Variants in DACH1 observed in about 807,000 individuals in gnomAD.
The protein encoded by DACH1 is dachshund family transcription factor 1, also known as dachshund homolog 1.
DACH1 carries 12 observed loss-of-function variants against 54.2 expected under a neutral mutation model. That is an observed-to-expected ratio of 0.22 (90% CI 0.14 to 0.36). The LOEUF (loss-of-function observed/expected upper bound fraction) is 0.36. Ranked by LOEUF, DACH1 falls within the 10% of genes least tolerant of loss-of-function variation. DACH1 has a pLI of 1.00. For missense variants in DACH1, 805 were observed against 929.8 expected (o/e 0.87, Z 1.75); for synonymous variants, 386 against 366.2 (o/e 1.05, Z -0.62).
intron 1 of DACH1, among the ~76,000 whole-genome samples, chr13:71,853,836 A>G (rs1393873561): frequency 2.6e-5 from 4 of 152,162 alleles, no homozygotes; most frequent in African/African-American, 9.7e-5. Context: ...CTCATTTTTC[A>G]TGCGTTTTGT....
intron 1 of DACH1, among the ~76,000 whole-genome samples, chr13:71,770,146 G>A (rs1346497981): frequency 6.6e-6 from 1 of 151,608 alleles, no homozygotes; most frequent in Non-Finnish European, 1.5e-5. Flanking sequence ...GTAATAAAAA[G>A]TTTAAAAGAT....
At position 71,656,539 on chromosome 13, in the gene DACH1, G is replaced by A. The variant is rs919669849; in HGVS notation, c.964+25256C>T. ...TTTATCTTACCCAAAATTGGAGCAC[G>A]TTTTGTTGATCCTTCTCTAACCATG... On this transcript the variant is annotated intron_variant, in intron 2 of 10. Coordinates refer to ENST00000613252, the MANE Select transcript of DACH1 (RefSeq NM_080759.6). Among the ~76,000 whole-genome samples, 9 of 152,010 alleles carry A rather than the reference G, an allele frequency of 5.9e-5. No individual in the cohort carries two copies. In the South Asian group the frequency reaches 1.2e-3, roughly 21 times the overall value.
At chr13:71,564,225 C>T (rs1009658667) in intron 4 of DACH1, among the ~76,000 whole-genome samples, 1 of 151,870 alleles carries the variant, frequency 6.6e-6, no homozygotes, top group Non-Finnish European at 1.5e-5. Flanking sequence ...AAGAAAGAAG[C>T]AGTTCAATGT....
chr13:71,557,258 A>T, intron 5 of DACH1, 100 bp from the exon 6 acceptor site: 1 of 898,836 alleles, frequency 1.1e-6, no homozygotes, highest in Non-Finnish European at 1.5e-6. Flanking sequence ...CTCAACAGTA[A>T]CTATAATATT....
chr13:71,468,296 C>T (rs540881617), intron 10 of DACH1, among the ~76,000 whole-genome samples: 5 of 152,158 alleles, frequency 3.3e-5, no homozygotes, highest in East Asian at 3.9e-4. Context: ...CAAACTATTG[C>T]CCAGCATGTG....
chr13:71,580,238 T>C (rs1053000396), intron 3 of DACH1, among the ~76,000 whole-genome samples: 1 of 152,254 alleles, frequency 6.6e-6, no homozygotes, highest in African/African-American at 2.4e-5. Flanking sequence ...TATGCTAATT[T>C]TGCTTTCCAT....
intron 2 of DACH1, among the ~76,000 whole-genome samples, chr13:71,632,492 G>C (rs1181796666): frequency 6.9e-6 from 1 of 144,964 alleles, no homozygotes; most frequent in Non-Finnish European, 1.5e-5. Flanking sequence ...GAATTTATCT[G>C]TGTGATTTAT....
At chr13:71,651,626 A>G (rs1259423353) in intron 2 of DACH1, among the ~76,000 whole-genome samples, 1 of 151,886 alleles carries the variant, frequency 6.6e-6, no homozygotes, top group Non-Finnish European at 1.5e-5. Flanking sequence ...GTGCCATGGC[A>G]CTCTGGGAGT....
At chr13:71,622,331 T>C (rs1325744723) in intron 3 of DACH1, among the ~76,000 whole-genome samples, 1 of 151,994 alleles carries the variant, frequency 6.6e-6, no homozygotes, top group Non-Finnish European at 1.5e-5. Flanking sequence ...ACAAACACCC[T>C]AGTAAAATCT....
At chr13:71,666,145 CAT>C (rs1163297772) in intron 2 of DACH1, among the ~76,000 whole-genome samples, 1 of 152,038 alleles carries the variant, frequency 6.6e-6, no homozygotes, top group Non-Finnish European at 1.5e-5. Flanking sequence ...AAAAAATATA[CAT>C]AGACATAAAT....
At chr13:71,686,877 A>T (rs912217540) in intron 1 of DACH1, among the ~76,000 whole-genome samples, 2 of 152,232 alleles carry the variant, frequency 1.3e-5, no homozygotes, top group Non-Finnish European at 2.9e-5. Flanking sequence ...TCATTTATTC[A>T]AGAGAAAAGA....
chr13:71,578,496 G>A (rs73521269), intron 3 of DACH1, among the ~76,000 whole-genome samples: 2 of 152,006 alleles, frequency 1.3e-5, no homozygotes, highest in African/African-American at 4.8e-5. Context: ...GATATAAAAC[G>A]TCAGCAGTAA....
intron 1 of DACH1, among the ~76,000 whole-genome samples, chr13:71,864,203 ACACACACACAC>A (rs1385833367): frequency 4.9e-5 from 6 of 122,502 alleles, no homozygotes; most frequent in South Asian, 2.5e-4. Flanking sequence ...ACACACACAC[ACACACACACAC>A]AACATTTACC....
intron 2 of DACH1, among the ~76,000 whole-genome samples, chr13:71,645,554 T>C (rs1397119551): frequency 6.6e-6 from 1 of 152,122 alleles, no homozygotes; most frequent in Non-Finnish European, 1.5e-5. Context: ...TTAATCAGAT[T>C]TTTATGGGCT....
At chr13:71,487,984 T>C (rs1399289053) in intron 7 of DACH1, among the ~76,000 whole-genome samples, 1 of 152,178 alleles carries the variant, frequency 6.6e-6, no homozygotes, top group East Asian at 1.9e-4. Flanking sequence ...AACCTTAAAG[T>C]TGAATACAGT....
chr13:71,639,145 C>T lies in DACH1; in HGVS notation c.965-8428G>A, dbSNP rs553402435. Among the ~76,000 whole-genome samples, 12 of 152,212 alleles carry T rather than the reference C, an allele frequency of 7.9e-5. No individual in the cohort carries two copies. The South Asian group carries it at 1.9e-3, about 24-fold the overall frequency. On this transcript the variant is annotated intron_variant, in intron 2 of 10. Transcript: ENST00000613252. Reference sequence around the variant, plus strand: ...TTTTTTCACCCTGTTTTCCTCCTATCCTTATTTAAATACCAGCTGTCAGAA... The same window carrying T: ...TTTTTTCACCCTGTTTTCCTCCTATTCTTATTTAAATACCAGCTGTCAGAA...
chr13:71,563,500 T>G (rs1884720017), intron 4 of DACH1, among the ~76,000 whole-genome samples: 1 of 151,964 alleles, frequency 6.6e-6, no homozygotes, highest in Admixed American at 6.6e-5. Flanking sequence ...ATTAAAATAA[T>G]TCCTTGTTTA....
intron 3 of DACH1, among the ~76,000 whole-genome samples, chr13:71,615,328 T>A (rs900911743): frequency 2.6e-5 from 4 of 152,208 alleles, no homozygotes; most frequent in Non-Finnish European, 5.9e-5. Flanking sequence ...CTGGCTAATG[T>A]TAATGACCAC....
intron 3 of DACH1, among the ~76,000 whole-genome samples, chr13:71,598,501 C>T (rs1357214751): frequency 6.6e-6 from 1 of 152,164 alleles, no homozygotes; most frequent in Non-Finnish European, 1.5e-5. Context: ...GATCCACCCA[C>T]CTCAGCCTCC....
Sources: allele counts gnomAD v4.1 joint callset (sites outside exome capture counted in the v4.1 genomes callset), GRCh38; gene constraint gnomAD v4.1.1; transcripts MANE v1.5; gene names NCBI Gene and HGNC (gene_info 2026-07-23, HGNC 2026-07-21).